Variants in D2HGDH observed in about 807,000 individuals in gnomAD.
D2HGDH encodes the protein D-2-hydroxyglutarate dehydrogenase.
D2HGDH carries 31 observed loss-of-function variants against 46.9 expected under a neutral mutation model. The ratio of observed to expected loss-of-function variants is 0.66; its 90% CI spans 0.50 to 0.89. D2HGDH has a LOEUF of 0.89. D2HGDH is among the 40% of genes least tolerant of loss of function. The probability of loss-of-function intolerance (pLI) is 0.00; values close to 1 mark genes in which losing one functional copy is unlikely to be tolerated. For missense variants in D2HGDH, 698 were observed against 720.8 expected (o/e 0.97, Z 0.36); for synonymous variants, 364 against 332.6 (o/e 1.09, Z -1.03).
intron 8 of D2HGDH, chr2:241,754,865 A>G (rs1697909697): frequency 2.0e-6 from 1 of 512,484 alleles, no homozygotes; most frequent in South Asian, 2.1e-5. Flanking sequence ...AGCCTCCCAA[A>G]GCTCTGGGAA....
chr2:241,752,748 G>A (rs992670134), intron 8 of D2HGDH, among the ~76,000 whole-genome samples: 1 of 151,886 alleles, frequency 6.6e-6, no homozygotes, highest in Non-Finnish European at 1.5e-5. Context: ...TGGAGTGGCA[G>A]TCAGTCATGC....
chr2:241,749,466 T>G, intron 6 of D2HGDH: 1 of 1,025,314 alleles, frequency 9.8e-7, no homozygotes, highest in Non-Finnish European at 1.3e-6. Flanking sequence ...CTCCACTCAG[T>G]TCCTTTCCAT....
At chr2:241,749,187 C>T (rs983051155) in intron 6 of D2HGDH, 3 of 869,732 alleles carry the variant, frequency 3.4e-6, no homozygotes, top group Non-Finnish European at 4.6e-6. Flanking sequence ...CCGCCAGACC[C>T]TCCAACACCA....
Position 241,768,055 on chromosome 2 carries a change from C to A in D2HGDH, c.*86C>A. On this transcript the variant is annotated 3_prime_UTR_variant, in exon 10 of 10. Transcript: ENST00000321264. ...TGTTGCGGTGGCTCTGAGGGATGAG[C>A]CGGCAGTGGGCAGGGGACCAGGCAC... The A allele has an allele frequency of 6.7e-7, 1 of 1,481,782 alleles. No individual in the cohort carries two copies. Among genetic ancestry groups the A allele is most frequent in the Non-Finnish European group, 9.0e-7 (1 of 1,114,514 alleles). 91.8% of individuals were successfully genotyped at this position (1,481,782 alleles called of 1,614,324 possible).
intron 2 of D2HGDH, among the ~76,000 whole-genome samples, chr2:241,738,774 C>T (rs1157408047): frequency 6.6e-6 from 1 of 152,258 alleles, no homozygotes; most frequent in Non-Finnish European, 1.5e-5. Flanking sequence ...CTGCGTCCTG[C>T]TGCCCCGAGT....
At position 241,755,813 on chromosome 2, in the gene D2HGDH, T is replaced by C. The variant is rs137914527; in HGVS notation, c.1141-36T>C. 81 of 1,610,452 alleles carry C rather than the reference T, an allele frequency of 5.0e-5. No homozygotes were observed. The African/African-American group carries it at 1.0e-3, about 20-fold the overall frequency. On this transcript the variant is annotated intron_variant, in intron 8 of 9. Coordinates refer to ENST00000321264, the MANE Select transcript of D2HGDH (RefSeq NM_152783.5). ...CCCCTGTCCCCGGGTGTCGTTCCCATAGCCAGCCCTTGTCTCATCTCGTCT... is the reference window on the plus strand; with the variant it reads ...CCCCTGTCCCCGGGTGTCGTTCCCACAGCCAGCCCTTGTCTCATCTCGTCT...
intron 6 of D2HGDH, chr2:241,749,209 C>A: frequency 3.2e-6 from 3 of 949,802 alleles, no homozygotes; most frequent in Non-Finnish European, 4.1e-6. Flanking sequence ...CACCACCTCC[C>A]ACACCCCAGC....
intron 6 of D2HGDH, among the ~76,000 whole-genome samples, chr2:241,745,263 C>A (rs1473068362): frequency 1.3e-5 from 2 of 152,202 alleles, no homozygotes; most frequent in African/African-American, 4.8e-5. Context: ...GAATTCCCTC[C>A]TGTAATGGGG....
At chr2:241,740,970 T>C (rs2125055825) in intron 2 of D2HGDH, 63 bp from the exon 3 acceptor site, 1 of 1,395,708 alleles carries the variant, frequency 7.2e-7, no homozygotes, top group Non-Finnish European at 1.0e-6. Flanking sequence ...CTGGGGCGAG[T>C]GACCACTTGC....
At chr2:241,752,882 C>A (rs1321059199) in intron 8 of D2HGDH, among the ~76,000 whole-genome samples, 1 of 149,550 alleles carries the variant, frequency 6.7e-6, no homozygotes, top group African/African-American at 2.5e-5. Context: ...CCCATGCCAC[C>A]CCCAGGGCGG....
At chr2:241,756,758 G>A (rs1338332809) in intron 9 of D2HGDH, among the ~76,000 whole-genome samples, 1 of 152,190 alleles carries the variant, frequency 6.6e-6, no homozygotes, top group African/African-American at 2.4e-5. Context: ...CTGACCTCTG[G>A]TGATCTGCCC....
intron 2 of D2HGDH, among the ~76,000 whole-genome samples, chr2:241,740,673 A>T (rs542464311): frequency 3.9e-5 from 6 of 152,156 alleles, no homozygotes; most frequent in Admixed American, 1.3e-4. Context: ...GGGGCTGGGC[A>T]TGGTGGCTCA....
At chr2:241,747,111 A>C (rs1000902010) in intron 6 of D2HGDH, among the ~76,000 whole-genome samples, 1 of 152,002 alleles carries the variant, frequency 6.6e-6, no homozygotes, top group African/African-American at 2.4e-5. Flanking sequence ...GTAATTAAAA[A>C]AAATTTTGTA....
chr2:241,737,492 C>G (rs1482876620), intron 2 of D2HGDH, among the ~76,000 whole-genome samples: 1 of 70,064 alleles, frequency 1.4e-5, no homozygotes, highest in Non-Finnish European at 2.4e-5. Context: ...CCAGTTTTCT[C>G]TTTTTTTATT....
intron 1 of D2HGDH, 184 bp downstream of exon 1, chr2:241,734,879 C>T (rs971635319): frequency 4.2e-5 from 11 of 262,150 alleles, no homozygotes; most frequent in African/African-American, 1.1e-4. Flanking sequence ...CGCGGGATCC[C>T]CTCGGGGGGC....
intron 8 of D2HGDH, among the ~76,000 whole-genome samples, chr2:241,752,668 G>A (rs1225734935): frequency 6.6e-6 from 1 of 151,898 alleles, no homozygotes; most frequent in Non-Finnish European, 1.5e-5. Context: ...CTTGAGATGG[G>A]GCGGGAACGT....
chr2:241,742,948 C>T lies in D2HGDH; in HGVS notation c.490+374C>T, dbSNP rs914035102. Among the ~76,000 whole-genome samples the T allele has an allele frequency of 7.8e-5, 9 of 115,786 alleles. No individual in the cohort carries two copies. The highest frequency in any genetic ancestry group is 3.6e-4 in the African/African-American group (9 of 24,674). The allele number at this position is 115,786 out of a possible 152,430, so 76.0% of individuals were successfully genotyped here. A position where few individuals can be genotyped will look rare whatever the true frequency, so the allele number is the denominator to read the frequency against. On this transcript the variant is annotated intron_variant, in intron 4 of 9. Coordinates refer to ENST00000321264, the MANE Select transcript of D2HGDH (RefSeq NM_152783.5). This position sits in a 1 kb window ranked among gnomAD's most constrained non-coding sequence, Gnocchi z 4.8. ...GGGATCCTGACCCAGGGCGCCAGGG[C>T]GTGGCAGGCGTGAGGGGATCCTGAC...
chr2:241,746,887 C>CAAAAAAAA (rs148116391), intron 6 of D2HGDH, among the ~76,000 whole-genome samples: 1 of 68,662 alleles, frequency 1.5e-5, no homozygotes. Context: ...GACTCCATCT[C>CAAAAAAAA]AAAAAAAAAA....
In D2HGDH at chr2:241,764,951, T is replaced by A. The variant is rs533478501; in HGVS notation, c.1307-2759T>A. ...TGAGGTCAGAAGAGGAGGTTGTGCGTGGGGCGGGCCAGGGCCAGGGTGTGC... is the reference window on the plus strand; with the variant it reads ...TGAGGTCAGAAGAGGAGGTTGTGCGAGGGGCGGGCCAGGGCCAGGGTGTGC... On this transcript the variant is annotated intron_variant, in intron 9 of 9. Transcript: ENST00000321264. Among the ~76,000 whole-genome samples the A allele has an allele frequency of 6.5e-4, 99 of 152,166 alleles. 1 individual carries two copies. Among genetic ancestry groups the A allele is most frequent in the African/African-American group, 2.2e-3 (91 of 41,488 alleles).
Sources: gnomAD v4.1 joint callset for allele counts (sites outside exome capture counted in the v4.1 genomes callset) on GRCh38, gnomAD v4.1.1 for gene constraint, Gnocchi (gnomAD v3.1) non-coding constraint, MANE v1.5 for transcripts, NCBI Gene and HGNC (gene_info 2026-07-23, HGNC 2026-07-21) for gene names.